Variants in TULP3 observed in about 807,000 individuals in gnomAD.
The protein encoded by TULP3 is tubby-related protein 3.
TULP3 carries 38 observed loss-of-function variants against 50.7 expected under a neutral mutation model. The ratio of observed to expected loss-of-function variants is 0.75; its 90% CI spans 0.58 to 0.98. The LOEUF is 0.98. Among genes scored for constraint, TULP3 ranks in the 50% least tolerant of loss-of-function variants. TULP3 has a pLI of 0.00. For synonymous variants in TULP3, 183 were observed against 196.6 expected, an observed-to-expected ratio of 0.93 and a Z score of 0.58; for missense variants, 550 against 568.0, an observed-to-expected ratio of 0.97 and a Z score of 0.32.
chr12:2,891,380 C>T (rs1401605339), intron 1 of TULP3, among the ~76,000 whole-genome samples: 2 of 152,146 alleles, frequency 1.3e-5, no homozygotes, highest in African/African-American at 2.4e-5. Flanking sequence ...TCCCGGGAGG[C>T]GGTGCGGGTG....
At chr12:2,937,787 C>CA (rs1468096599) in intron 9 of TULP3, 58 bp downstream of exon 9, 2 of 1,114,068 alleles carry the variant, frequency 1.8e-6, no homozygotes, top group East Asian at 5.2e-5. Flanking sequence ...GTACAATACA[C>CA]AGAGATTAAT....
chr12:2,937,990 G>A, intron 9 of TULP3, 124 bp from the exon 10 acceptor site: 2 of 1,122,274 alleles, frequency 1.8e-6, no homozygotes, highest in Non-Finnish European at 2.5e-6. Flanking sequence ...TGTCTTCATT[G>A]TTGGCTTTCA....
chr12:2,894,977 A>C (rs1223453527), intron 1 of TULP3, among the ~76,000 whole-genome samples: 1 of 152,222 alleles, frequency 6.6e-6, no homozygotes, highest in Non-Finnish European at 1.5e-5. Flanking sequence ...ACCCCTGAGA[A>C]GGGAGAATTG....
At chr12:2,903,519 G>C (rs190405248) in intron 1 of TULP3, among the ~76,000 whole-genome samples, 1 of 148,986 alleles carries the variant, frequency 6.7e-6, no homozygotes, top group Non-Finnish European at 1.5e-5. Flanking sequence ...CCAAGATCAC[G>C]CCACTGCACT....
chr12:2,915,503 C>T (rs1444100190), intron 2 of TULP3, among the ~76,000 whole-genome samples: 1 of 149,882 alleles, frequency 6.7e-6, no homozygotes, highest in African/African-American at 2.4e-5. Flanking sequence ...TTCCTATGAT[C>T]TTGCTTTGTG....
At chr12:2,925,635 A>G (rs12316745) in intron 4 of TULP3, among the ~76,000 whole-genome samples, 2,963 of 152,296 alleles carry the variant, frequency 0.019, 94 homozygotes, top group African/African-American at 0.064. Context: ...TGTCTTTAAC[A>G]TGAAGGTGAC....
At position 2,897,771 on chromosome 12, in the gene TULP3, T is replaced by TAAA. The variant is rs71057851; in HGVS notation, c.41+6801_41+6803dup. Among the ~76,000 whole-genome samples, 231 of 125,750 alleles carry TAAA rather than the reference T, an allele frequency of 1.8e-3. 8 individuals carry two copies. Among genetic ancestry groups the TAAA allele is most frequent in the Middle Eastern group, 8.5e-3 (2 of 236 alleles). The allele number at this position is 125,750 out of a possible 152,430, so 82.5% of individuals were successfully genotyped here. On this transcript the variant is annotated intron_variant, in intron 1 of 10. Transcript: ENST00000448120. ...CTGCCTGGCCCGAGACCCTGTCTCT[T>TAAA]AAAAAAAAAAAAAAAAAAAATTCTA...
chr12:2,911,602 T>C (rs985632903), intron 2 of TULP3, among the ~76,000 whole-genome samples: 1 of 145,896 alleles, frequency 6.9e-6, no homozygotes, highest in Non-Finnish European at 1.5e-5. Flanking sequence ...CCTGACCTCA[T>C]GATCCGCCCG....
At chr12:2,891,105 C>G (rs985728882) in intron 1 of TULP3, 117 bp downstream of exon 1, 5 of 1,243,650 alleles carry the variant, frequency 4.0e-6, no homozygotes, top group African/African-American at 1.6e-5. Context: ...CTTGGCGACT[C>G]AGGGAGGGAC....
chr12:2,932,229 A>G (rs35809705), intron 6 of TULP3, among the ~76,000 whole-genome samples: 3,895 of 152,112 alleles, frequency 0.026, 87 homozygotes, highest in Non-Finnish European at 0.037. Context: ...GTCTTTCCTG[A>G]TGTGCTTCAC....
Position 2,939,881 on chromosome 12 carries a change from G to A in TULP3, c.*437G>A, listed in dbSNP as rs2098203689. The A allele has an allele frequency of 2.4e-6, 3 of 1,227,650 alleles. No individual in the cohort carries two copies. The highest frequency in any genetic ancestry group is 3.1e-6 in the Non-Finnish European group (3 of 956,408). 76.0% of individuals were successfully genotyped at this position (1,227,650 alleles called of 1,614,324 possible). On this transcript the variant is annotated 3_prime_UTR_variant, in exon 11 of 11. Transcript: ENST00000448120. This position sits in a 1 kb window ranked among gnomAD's most constrained non-coding sequence, Gnocchi z 4.0. ...GGTGAGGGATCACAGCTTAGCATGG[G>A]TGAGAGATGATTTAAAGCACAGGGA...
At chr12:2,923,338 A>C (rs1262440313) in intron 4 of TULP3, among the ~76,000 whole-genome samples, 1 of 152,132 alleles carries the variant, frequency 6.6e-6, no homozygotes, top group Non-Finnish European at 1.5e-5. Flanking sequence ...CGTTTAAACA[A>C]ATTTGTATAT....
rs539453325 is a variant in TULP3, at chr12:2,920,414, C to T, written c.94-349C>T. On this transcript the variant is annotated intron_variant, in intron 2 of 10. Coordinates refer to ENST00000448120, the MANE Select transcript of TULP3 (RefSeq NM_003324.5). ...GTCCCAGCTCTTCAGGAGGCTGAGGCAGAAGGATTGGGCGTGCCTTGGAGG... is the reference window on the plus strand; with the variant it reads ...GTCCCAGCTCTTCAGGAGGCTGAGGTAGAAGGATTGGGCGTGCCTTGGAGG... 2.9e-3 allele frequency among the ~76,000 whole-genome samples: 445 copies of T among 151,984 alleles called. 2 individuals are homozygous for T. Among genetic ancestry groups the T allele is most frequent in the African/African-American group, 0.01 (431 of 41,452 alleles).
intron 3 of TULP3, among the ~76,000 whole-genome samples, chr12:2,921,339 A>G (rs563978754): frequency 5.9e-5 from 9 of 151,724 alleles, no homozygotes; most frequent in African/African-American, 1.7e-4. Context: ...ACGGGGTTTT[A>G]CTATGTTGGC....
chr12:2,925,286 A>G (rs1462252560), intron 4 of TULP3, among the ~76,000 whole-genome samples: 1 of 152,194 alleles, frequency 6.6e-6, no homozygotes, highest in Non-Finnish European at 1.5e-5. Flanking sequence ...TGAAGGGGGA[A>G]GTCCAGAAAC....
chr12:2,939,577 A>C lies in TULP3; in HGVS notation c.*133A>C. On this transcript the variant is annotated 3_prime_UTR_variant, in exon 11 of 11. Coordinates refer to ENST00000448120, the MANE Select transcript of TULP3 (RefSeq NM_003324.5). The surrounding 1 kb of genome is among the most constrained non-coding windows in gnomAD (Gnocchi z 4.0). Reference sequence around the variant, plus strand: ...TTTTGGAATGATCTCTGAATATATAAAACACACACACAAAGAGCAATAGTT... The same window carrying C: ...TTTTGGAATGATCTCTGAATATATACAACACACACACAAAGAGCAATAGTT... 8.1e-7 allele frequency: 1 copy of C among 1,238,408 alleles called. No individual in the cohort carries two copies. The highest frequency in any genetic ancestry group is 1.1e-6 in the Non-Finnish European group (1 of 918,558). The allele number at this position is 1,238,408 out of a possible 1,614,324, so 76.7% of individuals were successfully genotyped here.
chr12:2,933,541 C>T lies in TULP3; in HGVS notation c.809+11C>T, dbSNP rs1286632857. 2.0e-6 allele frequency: 3 copies of T among 1,527,450 alleles called. No individual in the cohort carries two copies. Among genetic ancestry groups the T allele is most frequent in the South Asian group, 2.2e-5 (2 of 89,126 alleles). 94.6% of individuals were successfully genotyped at this position (1,527,450 alleles called of 1,614,324 possible). ...TGTCGGCAAGCTTAGGTGAAAGCAA[C>T]CTTAGATCACTGTCCTATTCTTTCT... On this transcript the variant is annotated intron_variant, in intron 7 of 10. Coordinates refer to ENST00000448120, the MANE Select transcript of TULP3 (RefSeq NM_003324.5).
At chr12:2,921,421 T>C (rs973134436) in intron 3 of TULP3, among the ~76,000 whole-genome samples, 2 of 151,698 alleles carry the variant, frequency 1.3e-5, no homozygotes, top group Non-Finnish European at 2.9e-5. Context: ...GATTACAGGC[T>C]TGAGCCACCA....
chr12:2,890,923 G>T lies in TULP3; in HGVS notation c.-25G>T, dbSNP rs769548953. 2.5e-6 allele frequency: 4 copies of T among 1,590,240 alleles called. No individual in the cohort carries two copies. In the East Asian group the frequency reaches 9.3e-5, roughly 37 times the overall value. ...CGACGGCGGGGAAGAGTGTGTACGT[G>T]GTGGGGGCTTCCTCGGTGGCGGGCA... On this transcript the variant is annotated 5_prime_UTR_variant, in exon 1 of 11. Transcript: ENST00000448120.
Sources: gnomAD v4.1 joint callset for allele counts (sites outside exome capture counted in the v4.1 genomes callset) on GRCh38, gnomAD v4.1.1 for gene constraint, Gnocchi (gnomAD v3.1) non-coding constraint, MANE v1.5 for transcripts, NCBI Gene and HGNC (gene_info 2026-07-23, HGNC 2026-07-21) for gene names.